SLC22A4: variants seen among roughly 807,000 people sequenced by gnomAD.
The protein encoded by SLC22A4 is solute carrier family 22 member 4, also known as ET transporter.
In SLC22A4, 39 loss-of-function variants were observed where a neutral mutation model predicts 56.6. That is an observed-to-expected ratio of 0.69 (90% confidence interval 0.53 to 0.90). SLC22A4 has a LOEUF of 0.90. SLC22A4 is among the 40% of genes least tolerant of loss of function. The probability of loss-of-function intolerance (pLI) is 0.00; values close to 1 mark genes in which losing one functional copy is unlikely to be tolerated. For missense variants in SLC22A4, 594 were observed against 696.5 expected (o/e 0.85, Z 1.66); for synonymous variants, 241 against 281.4 (o/e 0.86, Z 1.44).
At chr5:132,312,462 C>T (rs577232038) in intron 2 of SLC22A4, among the ~76,000 whole-genome samples, 198 bp downstream of exon 2, 1 of 152,290 alleles carries the variant, frequency 6.6e-6, no homozygotes, top group South Asian at 2.1e-4. Context: ...ACTTTTGTTC[C>T]ATTCTCCCAG....
chr5:132,297,869 G>A (rs1306175899), intron 1 of SLC22A4, among the ~76,000 whole-genome samples: 1 of 151,908 alleles, frequency 6.6e-6, no homozygotes, highest in East Asian at 1.9e-4. Context: ...GATCACTTGA[G>A]CCCAAGAGTT....
At chr5:132,314,433 G>A (rs1031995420) in intron 3 of SLC22A4, among the ~76,000 whole-genome samples, 13 of 152,188 alleles carry the variant, frequency 8.5e-5, no homozygotes, top group Non-Finnish European at 1.6e-4. Context: ...CTCCAGGCGA[G>A]TTGATGAGGG....
intron 1 of SLC22A4, among the ~76,000 whole-genome samples, chr5:132,304,754 C>CTA (rs1414842666): frequency 6.6e-6 from 1 of 151,944 alleles, no homozygotes; most frequent in Non-Finnish European, 1.5e-5. Flanking sequence ...AAAATATGAC[C>CTA]TATACATGGG....
chr5:132,303,452 G>GA (rs954934591), intron 1 of SLC22A4, among the ~76,000 whole-genome samples: 13 of 151,998 alleles, frequency 8.6e-5, no homozygotes, highest in African/African-American at 3.1e-4. Context: ...CCCAGCACAA[G>GA]AAAAATGGAA....
chr5:132,322,138 A>T, intron 3 of SLC22A4, 46 bp from the exon 4 acceptor site: 1 of 1,555,492 alleles, frequency 6.4e-7, no homozygotes, highest in Non-Finnish European at 8.9e-7. Flanking sequence ...AAAAGCAAAT[A>T]TTAAAGTGAG....
chr5:132,342,320 CAGA>C (rs1422523494), intron 9 of SLC22A4, among the ~76,000 whole-genome samples: 2 of 152,166 alleles, frequency 1.3e-5, no homozygotes, highest in African/African-American at 2.4e-5. Flanking sequence ...AGACAGTTTA[CAGA>C]AGAAGTCACT....
chr5:132,313,553 G>C (rs1341772881), intron 2 of SLC22A4, 61 bp from the exon 3 acceptor site: 2 of 1,501,156 alleles, frequency 1.3e-6, no homozygotes, highest in East Asian at 4.5e-5. Flanking sequence ...CTGACTCAGG[G>C]CTTGCAACAC....
intron 5 of SLC22A4, among the ~76,000 whole-genome samples, chr5:132,328,059 T>C (rs1245891224): frequency 1.3e-5 from 2 of 151,998 alleles, no homozygotes; most frequent in Admixed American, 1.3e-4. Context: ...GTAACTAAGA[T>C]TGGCAAGAGG....
At position 132,344,139 on chromosome 5, in the gene SLC22A4, C is replaced by A; in HGVS notation, c.*304C>A. 1 of 314,016 alleles carries A rather than the reference C, an allele frequency of 3.2e-6. No homozygotes were observed. Among genetic ancestry groups the A allele is most frequent in the Non-Finnish European group, 5.9e-6 (1 of 170,626 alleles). The allele number at this position is 314,016 out of a possible 1,614,324, so 19.5% of individuals were successfully genotyped here. A position where few individuals can be genotyped will look rare whatever the true frequency, so the allele number is the denominator to read the frequency against. Reference sequence around the variant, plus strand: ...ACATATAAAGATTAACACTCATTTCCAATCATACAAATACTATCCAAATAA... The same window carrying A: ...ACATATAAAGATTAACACTCATTTCAAATCATACAAATACTATCCAAATAA... On this transcript the variant is annotated 3_prime_UTR_variant, in exon 10 of 10. Coordinates refer to ENST00000200652, the MANE Select transcript of SLC22A4 (RefSeq NM_003059.3).
chr5:132,322,229 T>G lies in SLC22A4; in HGVS notation c.698T>G (p.Leu233Ter). 1 of 1,613,936 alleles carries G rather than the reference T, an allele frequency of 6.2e-7. No homozygotes were observed. The highest frequency in any genetic ancestry group is 1.3e-5 in the African/African-American group (1 of 75,054). ...GKSVRIIFST[L>*]GVCTFFAVGY... ...TCAGTTCGTATTATATTCTCTACAT[T>G]AGGAGTGTGCACATTTTTTGCAGTT... Residue 233 changes from leucine (L) to a stop codon, truncating the protein, a stop_gained, in exon 4 of 10, where the codon TTA (leucine) becomes TGA (stop). Coordinates refer to ENST00000200652, the MANE Select transcript of SLC22A4 (RefSeq NM_003059.3). LOFTEE classifies it high-confidence loss of function.
intron 6 of SLC22A4, among the ~76,000 whole-genome samples, chr5:132,333,316 G>A (rs1376972334): frequency 6.6e-6 from 1 of 152,190 alleles, no homozygotes; most frequent in African/African-American, 2.4e-5. Context: ...TCCAAAGCTA[G>A]CTTAGGGAGA....
intron 4 of SLC22A4, among the ~76,000 whole-genome samples, chr5:132,325,651 T>C (rs1318613328): frequency 6.6e-6 from 1 of 152,170 alleles, no homozygotes; most frequent in Non-Finnish European, 1.5e-5. Context: ...TACTTATAAT[T>C]TGTTGTCTAG....
In SLC22A4 at chr5:132,296,265, G is replaced by A. The variant is rs80042650; in HGVS notation, c.393+1256G>A. ...TAATGGAATTCTCATATATCGGAGTGGCTGGAACTCAAGGGATGACAGATA... is the reference window on the plus strand; with the variant it reads ...TAATGGAATTCTCATATATCGGAGTAGCTGGAACTCAAGGGATGACAGATA... On this transcript the variant is annotated intron_variant, in intron 1 of 9. Transcript: ENST00000200652. Among the ~76,000 whole-genome samples the A allele has an allele frequency of 3.4e-4, 52 of 152,330 alleles. No individual in the cohort carries two copies. In the East Asian group the frequency reaches 8.3e-3, roughly 24 times the overall value.
Position 132,313,750 on chromosome 5 carries a change from G to A in SLC22A4, c.634G>A (p.Val212Met), listed in dbSNP as rs148604311. The A allele has an allele frequency of 1.4e-5, 22 of 1,614,114 alleles. No individual in the cohort carries two copies. In the African/African-American group the frequency reaches 2.8e-4, roughly 21 times the overall value. The change falls in exon 3 of 10, where the codon GTG (valine) becomes ATG (methionine). Residue 212 changes from valine to methionine, a missense_variant. Transcript: ENST00000200652. Reference sequence around the variant, plus strand: ...GGGCATGGGCCAGATCTCCAACTATGTGGTAGCCTTCATACTAGGTAGGAA... The same window carrying A: ...GGGCATGGGCCAGATCTCCAACTATATGGTAGCCTTCATACTAGGTAGGAA... ...IVGMGQISNY[V>M]VAFILGTEIL...
At chr5:132,298,480 GTT>G (rs1306856620) in intron 1 of SLC22A4, among the ~76,000 whole-genome samples, 1 of 152,230 alleles carries the variant, frequency 6.6e-6, no homozygotes, top group Non-Finnish European at 1.5e-5. Context: ...GTAGGGAGTC[GTT>G]GTTTCATGGG....
intron 5 of SLC22A4, among the ~76,000 whole-genome samples, chr5:132,327,901 A>G (rs1580840102): frequency 6.6e-6 from 1 of 152,170 alleles, no homozygotes; most frequent in South Asian, 2.1e-4. Flanking sequence ...CACCCTTGAA[A>G]GCTGGTGGCC....
intron 1 of SLC22A4, among the ~76,000 whole-genome samples, chr5:132,304,565 C>T (rs1200446837): frequency 1.3e-5 from 2 of 152,014 alleles, no homozygotes; most frequent in South Asian, 2.1e-4. Context: ...TGCAGTGAGC[C>T]GAGATCATGC....
intron 4 of SLC22A4, among the ~76,000 whole-genome samples, chr5:132,326,675 A>G (rs537964602): frequency 3.2e-4 from 49 of 152,392 alleles, no homozygotes; most frequent in African/African-American, 1.1e-3. Flanking sequence ...AGACATTAAC[A>G]AAAAGACAAC....
chr5:132,301,614 G>A (rs748618566), intron 1 of SLC22A4, among the ~76,000 whole-genome samples: 4 of 152,234 alleles, frequency 2.6e-5, no homozygotes, highest in Non-Finnish European at 5.9e-5. Flanking sequence ...CAGGTTATGT[G>A]GCGAAGGATA....
Sources: allele counts gnomAD v4.1 joint callset (sites outside exome capture counted in the v4.1 genomes callset), GRCh38; gene constraint gnomAD v4.1.1; transcripts MANE v1.5; gene names NCBI Gene and HGNC (gene_info 2026-07-23, HGNC 2026-07-21).